PSD2: variants seen among roughly 807,000 people sequenced by gnomAD.
PSD2 encodes PH and SEC7 domain-containing protein 2.
In PSD2, 38 loss-of-function variants were observed where a neutral mutation model predicts 69.8. The ratio of observed to expected loss-of-function variants is 0.54; its 90% CI spans 0.42 to 0.71. PSD2 has a LOEUF of 0.71. PSD2 is among the 30% of genes least tolerant of loss of function. The pLI is 0.00. For synonymous variants in PSD2, 412 were observed against 423.0 expected, an observed-to-expected ratio of 0.97 and a Z score of 0.32; for missense variants, 943 against 1,014.5, an observed-to-expected ratio of 0.93 and a Z score of 0.96.
At chr5:139,819,785 A>G (rs1188870878) in intron 5 of PSD2, among the ~76,000 whole-genome samples, 1 of 152,170 alleles carries the variant, frequency 6.6e-6, no homozygotes, top group Non-Finnish European at 1.5e-5. Context: ...TGAGTTGTAA[A>G]GATTGCGCTA....
At chr5:139,749,813 T>C in the PSD2 span, among the ~76,000 whole-genome samples, 1 of 149,788 alleles carries the variant, frequency 6.7e-6, no homozygotes, top group Non-Finnish European at 1.5e-5. Flanking sequence ...TTGGGCAACA[T>C]GACAGAACAC....
the PSD2 span, chr5:139,743,836 G>C: frequency 6.6e-6 from 1 of 152,398 alleles, no homozygotes; most frequent in African/African-American, 2.4e-5. Context: ...GGATGGGATA[G>C]CCACAAGTTG....
chr5:139,826,610 T>C (rs962648260), intron 7 of PSD2, among the ~76,000 whole-genome samples: 1 of 151,818 alleles, frequency 6.6e-6, no homozygotes, highest in Non-Finnish European at 1.5e-5. Context: ...GAGCTGAGAG[T>C]GAAGATGGGA....
In PSD2 at chr5:139,826,332, G is replaced by A. The variant is rs111523596; in HGVS notation, c.1269+3548G>A. Among the ~76,000 whole-genome samples the A allele has an allele frequency of 8.7e-3, 1,325 of 152,316 alleles. 17 individuals are homozygous for A. Among genetic ancestry groups the A allele is most frequent in the African/African-American group, 0.031 (1,276 of 41,566 alleles). ...TGATGTTAAAACAGCCCAACCTTGT[G>A]CATGTGCCACCAGGATCAACCCAAC... On this transcript the variant is annotated intron_variant, in intron 7 of 14. Transcript: ENST00000274710.
intron 6 of PSD2, among the ~76,000 whole-genome samples, chr5:139,822,328 G>A (rs1439901552): frequency 1.3e-5 from 2 of 152,200 alleles, no homozygotes; most frequent in Non-Finnish European, 2.9e-5. Context: ...GTCTAGGTCG[G>A]GGTCCTCTTA....
chr5:139,760,057 A>G, the PSD2 span, among the ~76,000 whole-genome samples: 1 of 152,202 alleles, frequency 6.6e-6, no homozygotes, highest in African/African-American at 2.4e-5. Flanking sequence ...ACTGTCCAGA[A>G]TGCCTCACTT....
the PSD2 span, among the ~76,000 whole-genome samples, chr5:139,769,298 C>T: frequency 6.6e-6 from 1 of 151,972 alleles, no homozygotes; most frequent in South Asian, 2.1e-4. Flanking sequence ...GAGAGGAGGA[C>T]GGGCCTCAGG....
the PSD2 span, among the ~76,000 whole-genome samples, chr5:139,760,035 A>AGGT: frequency 1.3e-5 from 2 of 152,224 alleles, no homozygotes; most frequent in African/African-American, 4.8e-5. Flanking sequence ...GTTCAGGCCC[A>AGGT]GGTTGTAGCC....
chr5:139,793,312 TC>T (rs1759452501), upstream of PSD2, among the ~76,000 whole-genome samples: 1 of 152,178 alleles, frequency 6.6e-6, no homozygotes, highest in African/African-American at 2.4e-5. Context: ...CTCTCCAGTG[TC>T]CATGGCACCC....
At chr5:139,748,001 C>CT in the PSD2 span, among the ~76,000 whole-genome samples, 1 of 152,250 alleles carries the variant, frequency 6.6e-6, no homozygotes, top group African/African-American at 2.4e-5. Context: ...TTCAAGGGGC[C>CT]TTTGCGGAGG....
In PSD2 at chr5:139,817,573, T is replaced by G. The variant is rs149567975; in HGVS notation, c.1097+12T>G. On this transcript the variant is annotated intron_variant, in intron 5 of 14. Coordinates refer to ENST00000274710, the MANE Select transcript of PSD2 (RefSeq NM_032289.4). ...GACGGAGCACTCAGGTCAGTGGGGC[T>G]GGGACAGGCAGTGCCCACAAGTGGT... 1.7e-4 allele frequency: 267 copies of G among 1,609,606 alleles called. No homozygotes were observed. The African/African-American group carries it at 2.9e-3, about 18-fold the overall frequency.
At chr5:139,802,550 G>A (rs1294744944) in intron 1 of PSD2, among the ~76,000 whole-genome samples, 3 of 151,864 alleles carry the variant, frequency 2.0e-5, no homozygotes, top group South Asian at 2.1e-4. Context: ...AGTGCCCTCC[G>A]AAGTTGGAGG....
intron 1 of PSD2, among the ~76,000 whole-genome samples, chr5:139,799,986 C>T (rs146624115): frequency 8.8e-4 from 134 of 152,190 alleles, no homozygotes; most frequent in African/African-American, 2.5e-3. Context: ...CCAACTGTGG[C>T]CCCCTTGCAG....
At chr5:139,743,277 G>T in the PSD2 span, among the ~76,000 whole-genome samples, 1 of 152,234 alleles carries the variant, frequency 6.6e-6, no homozygotes, top group Non-Finnish European at 1.5e-5. Context: ...AGGCAGGAAG[G>T]ACAGAGCAGA....
intron 13 of PSD2, 58 bp downstream of exon 13, chr5:139,838,830 C>T: frequency 6.4e-7 from 1 of 1,567,740 alleles, no homozygotes; most frequent in East Asian, 2.3e-5. Context: ...AGCCCAGGCC[C>T]CCATCCAGCA....
At chr5:139,766,930 C>CCTTTCTTTCT in the PSD2 span, among the ~76,000 whole-genome samples, 55 of 44,120 alleles carry the variant, frequency 1.2e-3, 3 homozygotes, top group Middle Eastern at 0.012. Flanking sequence ...CCTTCCTTCC[C>CCTTTCTTTCT]TTCTTTCTTT....
chr5:139,804,756 G>A (rs948584200), intron 1 of PSD2, among the ~76,000 whole-genome samples: 28 of 152,184 alleles, frequency 1.8e-4, no homozygotes, highest in African/African-American at 6.5e-4. Flanking sequence ...CGATGATGTA[G>A]ATCTCGCTGC....
At chr5:139,813,789 C>A (rs372536901) in intron 3 of PSD2, 31 bp downstream of exon 3, 1 of 1,554,098 alleles carries the variant, frequency 6.4e-7, no homozygotes, top group South Asian at 1.2e-5. Flanking sequence ...GGAGAACCAC[C>A]GAGCAGATGG....
intron 4 of PSD2, 88 bp from the exon 5 acceptor site, chr5:139,817,393 G>T: frequency 3.3e-6 from 4 of 1,213,076 alleles, no homozygotes; most frequent in East Asian, 2.4e-5. Flanking sequence ...GGGTGGGTCC[G>T]GGTACCCTGG....
Sources: allele counts gnomAD v4.1 joint callset (sites outside exome capture counted in the v4.1 genomes callset), GRCh38; gene constraint gnomAD v4.1.1; transcripts MANE v1.5; gene names NCBI Gene and HGNC (gene_info 2026-07-23, HGNC 2026-07-21).